The following BICC1 variants were observed in gnomAD, a reference collection of about 807,000 sequenced individuals.
The protein encoded by BICC1 is BicC family RNA binding protein 1, also known as protein bicaudal C homolog 1.
A neutral mutation model predicts 111.0 loss-of-function variants in BICC1; 43 were observed. That is an observed-to-expected ratio of 0.39 (90% CI 0.30 to 0.50). The LOEUF is 0.50. Among genes scored for constraint, BICC1 ranks in the 20% least tolerant of loss-of-function variants. The probability of loss-of-function intolerance (pLI) is 0.88; values close to 1 mark genes in which losing one functional copy is unlikely to be tolerated. For missense variants in BICC1, 1,091 were observed against 1,203.2 expected (o/e 0.91, Z 1.38); for synonymous variants, 467 against 434.4 (o/e 1.07, Z -0.93).
chr10:58,811,608 C>A (rs556123894), intron 17 of BICC1, among the ~76,000 whole-genome samples: 42 of 152,204 alleles, frequency 2.8e-4, no homozygotes, highest in African/African-American at 9.6e-4. Context: ...CTTATGTGTT[C>A]CAGACACAAT....
chr10:58,618,533 G>A (rs1178806940), intron 1 of BICC1, among the ~76,000 whole-genome samples: 1 of 152,156 alleles, frequency 6.6e-6, no homozygotes, highest in Non-Finnish European at 1.5e-5. Context: ...CTCACACCAA[G>A]AGAGAGAATA....
At chr10:58,764,868 A>G (rs1842415208) in intron 3 of BICC1, among the ~76,000 whole-genome samples, 1 of 152,144 alleles carries the variant, frequency 6.6e-6, no homozygotes, top group African/African-American at 2.4e-5. Context: ...TTATATGAGA[A>G]ACAGGTTTTA....
chr10:58,760,623 T>A (rs1409661795), intron 3 of BICC1, among the ~76,000 whole-genome samples: 2 of 152,172 alleles, frequency 1.3e-5, no homozygotes, highest in East Asian at 3.8e-4. Flanking sequence ...TAAAAAATGA[T>A]GAGACTCATA....
intron 1 of BICC1, among the ~76,000 whole-genome samples, chr10:58,576,535 G>GCATAAT (rs1412330850): frequency 3.3e-5 from 5 of 152,082 alleles, no homozygotes; most frequent in African/African-American, 1.2e-4. Flanking sequence ...GTGCATTCCT[G>GCATAAT]CATAATTCAA....
intron 3 of BICC1, among the ~76,000 whole-genome samples, chr10:58,706,634 C>T (rs1840394401): frequency 6.6e-6 from 1 of 152,088 alleles, no homozygotes; most frequent in Non-Finnish European, 1.5e-5. Context: ...GGGGTGGTTT[C>T]CTTCCACGCT....
In BICC1 at chr10:58,640,446, G is replaced by A. The variant is rs375218863; in HGVS notation, c.237+19545G>A. Reference sequence around the variant, plus strand: ...GCTTTTTTACATGCAAAGTCTTAAGGTGTTATAACTTAAGTTAGATTTTAA... The same window carrying A: ...GCTTTTTTACATGCAAAGTCTTAAGATGTTATAACTTAAGTTAGATTTTAA... On this transcript the variant is annotated intron_variant, in intron 2 of 20. Coordinates refer to ENST00000373886, the MANE Select transcript of BICC1 (RefSeq NM_001080512.3). Among the ~76,000 whole-genome samples the A allele has an allele frequency of 3.9e-5, 6 of 152,152 alleles. No homozygotes were observed. In the East Asian group the frequency reaches 1.2e-3, roughly 29 times the overall value.
intron 2 of BICC1, among the ~76,000 whole-genome samples, chr10:58,638,859 CTTTT>C (rs1382703778): frequency 0.045 from 5 of 110 alleles, no homozygotes; most frequent in Non-Finnish European, 0.067. Context: ...CTTTTCTTTT[CTTTT>C]TTCTCTTCTC....
chr10:58,754,871 T>A (rs2132657807), intron 3 of BICC1, among the ~76,000 whole-genome samples: 1 of 152,182 alleles, frequency 6.6e-6, no homozygotes, highest in East Asian at 1.9e-4. Flanking sequence ...AATGTGAAAA[T>A]GCTATTCTTG....
chr10:58,704,223 T>A (rs950457384), intron 3 of BICC1, among the ~76,000 whole-genome samples: 8 of 152,226 alleles, frequency 5.3e-5, no homozygotes, highest in Non-Finnish European at 1.2e-4. Context: ...TAAGAATTGA[T>A]CCCTTCAGGC....
intron 3 of BICC1, among the ~76,000 whole-genome samples, chr10:58,760,541 G>C (rs1367628223): frequency 2.0e-5 from 3 of 152,098 alleles, no homozygotes; most frequent in African/African-American, 7.2e-5. Context: ...ACTGTAAGCA[G>C]ACTTAAATTG....
intron 2 of BICC1, among the ~76,000 whole-genome samples, chr10:58,625,452 A>T (rs1341037397): frequency 1.3e-5 from 2 of 152,222 alleles, no homozygotes; most frequent in Non-Finnish European, 2.9e-5. Flanking sequence ...GTAATTGATG[A>T]AAGCCAGGTT....
intron 1 of BICC1, among the ~76,000 whole-genome samples, chr10:58,549,413 A>G (rs371193114): frequency 1.3e-5 from 2 of 152,316 alleles, no homozygotes; most frequent in East Asian, 1.9e-4. Flanking sequence ...ATTCACTCCA[A>G]CAATGAATTG....
chr10:58,584,743 C>T (rs1844382971), intron 1 of BICC1, among the ~76,000 whole-genome samples: 1 of 150,968 alleles, frequency 6.6e-6, no homozygotes, highest in African/African-American at 2.4e-5. Flanking sequence ...AACTAGGAAA[C>T]ACCTGGGTAA....
chr10:58,674,063 C>G (rs1230885330), intron 2 of BICC1, among the ~76,000 whole-genome samples: 1 of 152,194 alleles, frequency 6.6e-6, no homozygotes, highest in African/African-American at 2.4e-5. Flanking sequence ...AATCATTTAG[C>G]TACCAACATT....
intron 3 of BICC1, 97 bp downstream of exon 3, chr10:58,702,240 C>T (rs1181197119): frequency 1.2e-6 from 1 of 834,104 alleles, no homozygotes; most frequent in African/African-American, 1.7e-5. Flanking sequence ...TTATTCTTAA[C>T]ACTTTTGTCC....
intron 2 of BICC1, among the ~76,000 whole-genome samples, chr10:58,635,507 T>C (rs1837927649): frequency 6.6e-6 from 1 of 152,226 alleles, no homozygotes; most frequent in African/African-American, 2.4e-5. Flanking sequence ...TCTTGAAAAG[T>C]TCCTCAGTGA....
At chr10:58,520,634 GT>G (rs1842363545) in intron 1 of BICC1, among the ~76,000 whole-genome samples, 2 of 152,118 alleles carry the variant, frequency 1.3e-5, no homozygotes, top group African/African-American at 4.8e-5. Flanking sequence ...TGCATATTGA[GT>G]TGATCTGGAG....
intron 1 of BICC1, among the ~76,000 whole-genome samples, chr10:58,551,354 A>T (rs1658452): frequency 0.46 from 69,880 of 151,970 alleles, 17,125 homozygotes; most frequent in Admixed American, 0.62. Flanking sequence ...TTATTTATTT[A>T]CTTTTAAATT....
At chr10:58,765,642 G>A (rs1253298415) in intron 3 of BICC1, among the ~76,000 whole-genome samples, 3 of 152,262 alleles carry the variant, frequency 2.0e-5, no homozygotes, top group Admixed American at 1.3e-4. Context: ...TCAAAACTTA[G>A]CAACAATTTT....
Sources: allele counts gnomAD v4.1 joint callset (sites outside exome capture counted in the v4.1 genomes callset), GRCh38; gene constraint gnomAD v4.1.1; transcripts MANE v1.5; gene names NCBI Gene and HGNC (gene_info 2026-07-23, HGNC 2026-07-21).